ANKRD13C: variants seen among roughly 807,000 people sequenced by gnomAD.
ANKRD13C encodes ankyrin repeat domain-containing protein 13C.
ANKRD13C carries 16 observed loss-of-function variants against 65.5 expected under a neutral mutation model. The observed-to-expected ratio is 0.24, with a 90% CI of 0.17 to 0.37. ANKRD13C has a LOEUF of 0.37. Among genes scored for constraint, ANKRD13C ranks in the 10% least tolerant of loss-of-function variants. ANKRD13C has a pLI of 1.00. For missense variants in ANKRD13C, 503 were observed against 655.9 expected (o/e 0.77, Z 2.55); for synonymous variants, 235 against 238.7 (o/e 0.98, Z 0.14).
intron 9 of ANKRD13C, 107 bp downstream of exon 9, chr1:70,292,281 A>C: frequency 1.3e-6 from 1 of 770,736 alleles, no homozygotes; most frequent in Non-Finnish European, 1.9e-6. Context: ...AACACACAGT[A>C]AATAAAAGCT....
chr1:70,263,522 T>C (rs944349389), intron 12 of ANKRD13C, among the ~76,000 whole-genome samples: 1 of 152,232 alleles, frequency 6.6e-6, no homozygotes, highest in Admixed American at 6.5e-5. Flanking sequence ...ATTAAATGTT[T>C]AGTTTTATTC....
At chr1:70,276,470 C>T (rs1679139307) in intron 10 of ANKRD13C, among the ~76,000 whole-genome samples, 1 of 152,170 alleles carries the variant, frequency 6.6e-6, no homozygotes, top group Non-Finnish European at 1.5e-5. Context: ...CTGTCCTGCG[C>T]AATTTCCTAT....
intron 9 of ANKRD13C, among the ~76,000 whole-genome samples, chr1:70,289,615 C>T (rs1292898908): frequency 6.6e-6 from 1 of 151,682 alleles, no homozygotes; most frequent in Non-Finnish European, 1.5e-5. Flanking sequence ...TACAGGCGCC[C>T]GCCACCACGC....
At chr1:70,291,925 C>T (rs1572066853) in intron 9 of ANKRD13C, among the ~76,000 whole-genome samples, 1 of 152,134 alleles carries the variant, frequency 6.6e-6, no homozygotes, top group East Asian at 1.9e-4. Context: ...TTGAGACCAG[C>T]CTGGCCAACA....
chr1:70,305,509 C>T (rs1177363411), intron 6 of ANKRD13C, among the ~76,000 whole-genome samples: 3 of 151,774 alleles, frequency 2.0e-5, no homozygotes, highest in Non-Finnish European at 4.4e-5. Flanking sequence ...TATATATATA[C>T]ATGTATACTA....
chr1:70,289,036 A>G (rs757053487), intron 9 of ANKRD13C, among the ~76,000 whole-genome samples: 24 of 152,350 alleles, frequency 1.6e-4, no homozygotes, highest in Non-Finnish European at 2.8e-4. Context: ...CATTATCCCA[A>G]TCAAAATCCC....
intron 1 of ANKRD13C, among the ~76,000 whole-genome samples, chr1:70,339,900 A>C (rs1234454552): frequency 2.0e-5 from 3 of 150,056 alleles, no homozygotes; most frequent in African/African-American, 7.3e-5. Flanking sequence ...CCCAGGCTGG[A>C]GTATAGTGGC....
chr1:70,294,896 C>T (rs1680014686), intron 8 of ANKRD13C, among the ~76,000 whole-genome samples: 1 of 152,126 alleles, frequency 6.6e-6, no homozygotes, highest in Admixed American at 6.5e-5. Context: ...ACTAAATTTC[C>T]AGCCTGCTAG....
At chr1:70,303,587 T>C (rs921240540) in intron 6 of ANKRD13C, among the ~76,000 whole-genome samples, 1 of 152,210 alleles carries the variant, frequency 6.6e-6, no homozygotes, top group Non-Finnish European at 1.5e-5. Flanking sequence ...TCAAGAATAA[T>C]GTTGCTCACA....
At chr1:70,263,021 T>C (rs2101087056) in intron 12 of ANKRD13C, among the ~76,000 whole-genome samples, 174 bp from the exon 13 acceptor site, 1 of 150,950 alleles carries the variant, frequency 6.6e-6, no homozygotes, top group South Asian at 2.1e-4. Context: ...CAGGGAGAGT[T>C]CTGGGTATTG....
intron 4 of ANKRD13C, among the ~76,000 whole-genome samples, chr1:70,314,272 G>GT (rs969515291): frequency 1.2e-4 from 18 of 151,738 alleles, no homozygotes; most frequent in African/African-American, 4.4e-4. Context: ...AGGTTGGAGT[G>GT]TAGTGGCATG....
At chr1:70,300,940 C>T (rs1169712474) in intron 6 of ANKRD13C, 32 bp from the exon 7 acceptor site, 2 of 1,583,040 alleles carry the variant, frequency 1.3e-6, no homozygotes, top group African/African-American at 2.7e-5. Flanking sequence ...TAAACTCTGA[C>T]AAATATAATT....
chr1:70,318,170 C>T (rs952018718), intron 3 of ANKRD13C, among the ~76,000 whole-genome samples: 3 of 152,054 alleles, frequency 2.0e-5, no homozygotes, highest in Admixed American at 6.6e-5. Flanking sequence ...TACCAGTATC[C>T]TTTTTAGGGA....
At chr1:70,270,653 T>C (rs932182547) in intron 12 of ANKRD13C, among the ~76,000 whole-genome samples, 1 of 152,104 alleles carries the variant, frequency 6.6e-6, no homozygotes, top group African/African-American at 2.4e-5. Context: ...CCACCACTGA[T>C]CTGACAGGAG....
intron 1 of ANKRD13C, 53 bp downstream of exon 1, chr1:70,353,926 C>T (rs1373758545): frequency 6.9e-7 from 1 of 1,454,434 alleles, no homozygotes; most frequent in Non-Finnish European, 9.1e-7. Flanking sequence ...CCTGGGGAGG[C>T]ACACCCTAGG....
intron 9 of ANKRD13C, among the ~76,000 whole-genome samples, chr1:70,282,097 C>G (rs1432168062): frequency 6.7e-6 from 1 of 149,708 alleles, no homozygotes; most frequent in Admixed American, 6.6e-5. Flanking sequence ...CTCTGTCACC[C>G]AGGCTGGAGT....
chr1:70,268,853 T>C (rs1678748452), intron 12 of ANKRD13C, among the ~76,000 whole-genome samples: 1 of 152,080 alleles, frequency 6.6e-6, no homozygotes, highest in Non-Finnish European at 1.5e-5. Context: ...GTGTTAACAA[T>C]AATTTCCAAA....
At position 70,268,069 on chromosome 1, in the gene ANKRD13C, A is replaced by G. The variant is rs75774314; in HGVS notation, c.1495+2787T>C. On this transcript the variant is annotated intron_variant, in intron 12 of 12. Transcript: ENST00000370944. ...TTGTTGTTGTTTTTTGTTTGATTTT[A>G]AAAGGGGAGAGACCTGAGCAAGCCT... Among the ~76,000 whole-genome samples the G allele has an allele frequency of 7.2e-5, 11 of 152,264 alleles. No homozygotes were observed. In the South Asian group the frequency reaches 2.1e-3, roughly 29 times the overall value.
chr1:70,313,613 A>G, intron 5 of ANKRD13C, 132 bp downstream of exon 5: 1 of 660,424 alleles, frequency 1.5e-6, no homozygotes, highest in Non-Finnish European at 2.7e-6. Flanking sequence ...ATTACAGTCA[A>G]TGTCATGAAA....
Sources: allele counts gnomAD v4.1 joint callset (sites outside exome capture counted in the v4.1 genomes callset), GRCh38; gene constraint gnomAD v4.1.1; transcripts MANE v1.5; gene names NCBI Gene and HGNC (gene_info 2026-07-23, HGNC 2026-07-21).